TSNARE1: variants seen among roughly 807,000 people sequenced by gnomAD.
The protein encoded by TSNARE1 is t-SNARE domain-containing protein 1.
A neutral mutation model predicts 62.0 loss-of-function variants in TSNARE1; 49 were observed. The observed-to-expected ratio is 0.79, with a 90% CI of 0.63 to 1.00. The LOEUF is 1.00. Among genes scored for constraint, TSNARE1 ranks in the 50% least tolerant of loss-of-function variants. The pLI, the probability that TSNARE1 is intolerant of heterozygous loss-of-function variation, is 0.00. For missense variants in TSNARE1, 755 were observed against 700.1 expected (o/e 1.08, Z -0.88); for synonymous variants, 328 against 294.4 (o/e 1.11, Z -1.17).
rs181800728 is a variant in TSNARE1 at position 142,307,523 on chromosome 8, A to G, written c.1131+6861T>C. 5.3e-3 allele frequency among the ~76,000 whole-genome samples: 814 copies of G among 152,312 alleles called. 3 individuals are homozygous for G. Among genetic ancestry groups the G allele is most frequent in the Admixed American group, 6.9e-3 (106 of 15,300 alleles). ...TACGCACATCCTCCCATATATTTAAATCACCTCTAGGTTGCCTATAATATT... is the reference window on the plus strand; with the variant it reads ...TACGCACATCCTCCCATATATTTAAGTCACCTCTAGGTTGCCTATAATATT... On this transcript the variant is annotated intron_variant, in intron 9 of 13. Transcript: ENST00000524325.
chr8:142,394,451 G>A (rs1261204237), intron 1 of TSNARE1, among the ~76,000 whole-genome samples: 3 of 152,214 alleles, frequency 2.0e-5, no homozygotes, highest in African/African-American at 7.2e-5. Context: ...CATCAGAGCT[G>A]CTCTGGGTAA....
intron 11 of TSNARE1, chr8:142,278,852 G>A (rs1306595765): frequency 1.0e-6 from 1 of 955,466 alleles, no homozygotes; most frequent in Non-Finnish European, 1.2e-6. Context: ...CTGCAGGCCA[G>A]AGTGAGGCAC....
chr8:142,290,630 C>A (rs1176011417), intron 10 of TSNARE1, among the ~76,000 whole-genome samples: 1 of 152,238 alleles, frequency 6.6e-6, no homozygotes, highest in East Asian at 1.9e-4. Flanking sequence ...GACGACTATT[C>A]CAGTTAATGG....
intron 9 of TSNARE1, among the ~76,000 whole-genome samples, chr8:142,301,789 A>G (rs1343796311): frequency 6.6e-6 from 1 of 150,534 alleles, no homozygotes; most frequent in African/African-American, 2.5e-5. Flanking sequence ...CGTGCCCCCG[A>G]TCTTCCTGAA....
At chr8:142,230,963 C>T (rs1219851267) in intron 12 of TSNARE1, among the ~76,000 whole-genome samples, 2 of 37,806 alleles carry the variant, frequency 5.3e-5, no homozygotes, top group African/African-American at 1.7e-4. Context: ...CATCATCCAA[C>T]CATCCATCCA....
chr8:142,212,703 C>G (rs767863207), intron 13 of TSNARE1, among the ~76,000 whole-genome samples: 2 of 152,036 alleles, frequency 1.3e-5, no homozygotes, highest in Non-Finnish European at 2.9e-5. Context: ...CCCACCGGCC[C>G]TCCCTCTCCT....
In TSNARE1 at chr8:142,271,316, G is replaced by T. The variant is rs1031438099; in HGVS notation, c.1446+3465C>A. Reference sequence around the variant, plus strand: ...ATCGGCCAGACGCTGGCTCTGCTCGGCCAGCCGCTGCAGCAGCAGGTTTTG... The same window carrying T: ...ATCGGCCAGACGCTGGCTCTGCTCGTCCAGCCGCTGCAGCAGCAGGTTTTG... On this transcript the variant is annotated intron_variant, in intron 12 of 13. Transcript: ENST00000524325. 4 of 1,126,904 alleles carry T rather than the reference G, an allele frequency of 3.5e-6. No individual in the cohort carries two copies. The East Asian group carries it at 1.8e-4, about 51-fold the overall frequency. 69.8% of individuals were successfully genotyped at this position (1,126,904 alleles called of 1,614,324 possible). A position where few individuals can be genotyped will look rare whatever the true frequency, so the allele number is the denominator to read the frequency against.
intron 6 of TSNARE1, among the ~76,000 whole-genome samples, 174 bp downstream of exon 6, chr8:142,330,727 T>A (rs962494564): frequency 2.0e-5 from 3 of 152,170 alleles, no homozygotes; most frequent in Non-Finnish European, 2.9e-5. Flanking sequence ...TTCACAGCAC[T>A]GACTAGGCTT....
At chr8:142,400,944 G>A (rs1211362762) in intron 1 of TSNARE1, among the ~76,000 whole-genome samples, 2 of 152,216 alleles carry the variant, frequency 1.3e-5, no homozygotes, top group Non-Finnish European at 2.9e-5. Flanking sequence ...GGCACCAGGA[G>A]GTGCTGTGAC....
chr8:142,395,518 C>A (rs1333391999), intron 1 of TSNARE1, among the ~76,000 whole-genome samples: 2 of 152,210 alleles, frequency 1.3e-5, no homozygotes, highest in African/African-American at 2.4e-5. Flanking sequence ...GCCCATGGAG[C>A]ACCGCAGATG....
At chr8:142,371,645 T>C (rs2131040943) in intron 1 of TSNARE1, among the ~76,000 whole-genome samples, 1 of 152,320 alleles carries the variant, frequency 6.6e-6, no homozygotes, top group Admixed American at 6.5e-5. Context: ...TTGCAGGCGT[T>C]GGAAACACTC....
At chr8:142,276,126 G>A in intron 11 of TSNARE1, 10 of 985,384 alleles carry the variant, frequency 1.0e-5, no homozygotes, top group Non-Finnish European at 1.2e-5. Context: ...CCTGATCGCC[G>A]CATCTGGGGG....
At chr8:142,269,327 G>T in intron 12 of TSNARE1, 1 of 576,340 alleles carries the variant, frequency 1.7e-6, no homozygotes, top group Non-Finnish European at 2.2e-6. Flanking sequence ...CAGGGCTCAG[G>T]GTCAAGGCTC....
intron 12 of TSNARE1, among the ~76,000 whole-genome samples, chr8:142,232,139 C>T (rs1377316015): frequency 6.6e-6 from 1 of 152,234 alleles, no homozygotes; most frequent in Non-Finnish European, 1.5e-5. Context: ...AGTTCCCGGC[C>T]TTTGACTTGG....
chr8:142,385,118 A>T (rs973440281), intron 1 of TSNARE1, among the ~76,000 whole-genome samples: 1 of 152,156 alleles, frequency 6.6e-6, no homozygotes, highest in Non-Finnish European at 1.5e-5. Context: ...AGAGGGAGGG[A>T]GGGAGGAAGG....
intron 12 of TSNARE1, among the ~76,000 whole-genome samples, chr8:142,256,369 A>AC (rs1818565703): frequency 4.2e-5 from 6 of 141,288 alleles, no homozygotes; most frequent in East Asian, 2.1e-4. Context: ...CACCACCATC[A>AC]TCACCACCAT....
intron 1 of TSNARE1, among the ~76,000 whole-genome samples, chr8:142,402,270 ACTT>A (rs1838350146): frequency 6.6e-6 from 1 of 152,132 alleles, no homozygotes; most frequent in Non-Finnish European, 1.5e-5. Context: ...CGCTCACAGA[ACTT>A]CCTGTGATAA....
intron 1 of TSNARE1, among the ~76,000 whole-genome samples, chr8:142,363,880 G>A (rs1482091531): frequency 2.0e-5 from 3 of 152,208 alleles, no homozygotes; most frequent in Admixed American, 6.5e-5. Context: ...GGTCACACCT[G>A]CTCACAAGAC....
intron 12 of TSNARE1, among the ~76,000 whole-genome samples, chr8:142,247,141 A>G (rs1203242147): frequency 4.0e-5 from 6 of 151,896 alleles, no homozygotes; most frequent in Non-Finnish European, 8.8e-5. Context: ...GCAGGGAGGG[A>G]GCAGCAGATG....
Sources: allele counts gnomAD v4.1 joint callset (sites outside exome capture counted in the v4.1 genomes callset), GRCh38; gene constraint gnomAD v4.1.1; transcripts MANE v1.5; gene names NCBI Gene and HGNC (gene_info 2026-07-23, HGNC 2026-07-21).